The following CDKAL1 variants were observed in gnomAD, a reference collection of about 807,000 sequenced individuals.
CDKAL1 encodes the protein threonylcarbamoyladenosine tRNA methylthiotransferase.
Under a neutral mutation model 68.2 loss-of-function variants are expected in CDKAL1, and 32 were observed. The ratio of observed to expected loss-of-function variants is 0.47; its 90% confidence interval spans 0.35 to 0.63. CDKAL1 has a LOEUF of 0.63. Among genes scored for constraint, CDKAL1 ranks in the 30% least tolerant of loss-of-function variants. The pLI is 0.00. For synonymous variants in CDKAL1, 234 were observed against 244.3 expected, an observed-to-expected ratio of 0.96 and a Z score of 0.39; for missense variants, 606 against 696.7, an observed-to-expected ratio of 0.87 and a Z score of 1.47.
chr6:21,101,051 C>T (rs1281462243), intron 12 of CDKAL1, among the ~76,000 whole-genome samples: 1 of 152,082 alleles, frequency 6.6e-6, no homozygotes, highest in Non-Finnish European at 1.5e-5. Context: ...CCTTACTGTG[C>T]CCCAGAGGAA....
At chr6:20,802,315 C>T (rs10946410) in intron 8 of CDKAL1, among the ~76,000 whole-genome samples, 61,418 of 114,172 alleles carry the variant, frequency 0.54, 13,435 homozygotes, top group Middle Eastern at 0.62. Context: ...ACAACAACAA[C>T]AATAATAATA....
At chr6:20,536,141 C>G (rs955187154) in intron 2 of CDKAL1, among the ~76,000 whole-genome samples, 3 of 149,792 alleles carry the variant, frequency 2.0e-5, no homozygotes, top group African/African-American at 4.9e-5. Flanking sequence ...TCCGTGTTGC[C>G]TAGGCTCTGG....
chr6:20,714,783 A>G (rs1345951468), intron 5 of CDKAL1, among the ~76,000 whole-genome samples: 1 of 152,206 alleles, frequency 6.6e-6, no homozygotes, highest in African/African-American at 2.4e-5. Context: ...TGTATATTAA[A>G]ATAAAACACT....
chr6:21,082,118 A>ATTT (rs1772438350), intron 12 of CDKAL1, among the ~76,000 whole-genome samples: 1 of 152,238 alleles, frequency 6.6e-6, no homozygotes, highest in Non-Finnish European at 1.5e-5. Context: ...ATAATCAAAT[A>ATTT]TGAGCAAATA....
chr6:20,900,166 G>T (rs1356874790), intron 9 of CDKAL1, among the ~76,000 whole-genome samples: 1 of 151,966 alleles, frequency 6.6e-6, no homozygotes, highest in South Asian at 2.1e-4. Context: ...GTCTCCTTTC[G>T]ATTTATACTA....
intron 8 of CDKAL1, 77 bp downstream of exon 8, chr6:20,781,342 CAT>C: frequency 7.8e-7 from 1 of 1,276,288 alleles, no homozygotes; most frequent in Admixed American, 2.5e-5. Context: ...GGACATGTGA[CAT>C]AGAAAAGTAG....
intron 8 of CDKAL1, among the ~76,000 whole-genome samples, chr6:20,830,488 A>G (rs1458881093): frequency 2.6e-5 from 4 of 152,208 alleles, no homozygotes; most frequent in Non-Finnish European, 4.4e-5. Flanking sequence ...TAATAAATAA[A>G]TTTTAGAATT....
intron 8 of CDKAL1, among the ~76,000 whole-genome samples, chr6:20,840,003 A>G (rs923824664): frequency 2.0e-5 from 3 of 152,220 alleles, no homozygotes; most frequent in African/African-American, 7.2e-5. Context: ...CTAATCATGT[A>G]TTCTTACACA....
rs372130130 is a variant in CDKAL1, at chr6:20,739,642, G to GA, written c.468+31dup. On this transcript the variant is annotated intron_variant, in intron 6 of 15. Transcript: ENST00000274695. ...TAAGCTTGTACCTGATGCAAAAAGA[G>GA]AAAATCTTACATTGTTAACACCTGT... The GA allele has an allele frequency of 3.1e-4, 420 of 1,355,644 alleles. 2 individuals carry two copies. The African/African-American group carries it at 5.3e-3, about 17-fold the overall frequency. The allele number at this position is 1,355,644 out of a possible 1,614,324, so 84.0% of individuals were successfully genotyped here.
intron 5 of CDKAL1, among the ~76,000 whole-genome samples, chr6:20,707,067 G>T (rs1267115701): frequency 1.3e-5 from 2 of 152,166 alleles, no homozygotes; most frequent in African/African-American, 2.4e-5. Flanking sequence ...TGGTTTGTCT[G>T]TCATTAAAAA....
At chr6:20,827,449 A>G (rs1193615280) in intron 8 of CDKAL1, among the ~76,000 whole-genome samples, 1 of 152,196 alleles carries the variant, frequency 6.6e-6, no homozygotes, top group Non-Finnish European at 1.5e-5. Flanking sequence ...ATAGCAAAGA[A>G]ACCTTTACTT....
chr6:20,885,393 A>G (rs951415839), intron 9 of CDKAL1, among the ~76,000 whole-genome samples: 4 of 152,180 alleles, frequency 2.6e-5, no homozygotes, highest in African/African-American at 7.2e-5. Context: ...ATTTTTGACC[A>G]GGGAACCACA....
chr6:20,722,056 A>G (rs1772403816), intron 5 of CDKAL1, among the ~76,000 whole-genome samples: 1 of 152,030 alleles, frequency 6.6e-6, no homozygotes, highest in Non-Finnish European at 1.5e-5. Context: ...ATGTAGAACT[A>G]CTTTTATATT....
chr6:21,131,009 TTCCC>T (rs1221725253), intron 13 of CDKAL1, among the ~76,000 whole-genome samples: 1 of 152,198 alleles, frequency 6.6e-6, no homozygotes, highest in Non-Finnish European at 1.5e-5. Flanking sequence ...AAGGAGAGTG[TTCCC>T]AAAAGCTACT....
chr6:20,944,674 A>G (rs1764150736), intron 9 of CDKAL1, among the ~76,000 whole-genome samples: 2 of 152,228 alleles, frequency 1.3e-5, no homozygotes, highest in Admixed American at 1.3e-4. Context: ...TATCATCAGT[A>G]CGGTCAGAGT....
intron 12 of CDKAL1, among the ~76,000 whole-genome samples, chr6:21,065,630 A>G (rs1391430638): frequency 7.0e-6 from 1 of 142,258 alleles, no homozygotes; most frequent in African/African-American, 2.6e-5. Flanking sequence ...GGATCCCCCT[A>G]GTTTTGCTGC....
intron 10 of CDKAL1, among the ~76,000 whole-genome samples, chr6:20,964,048 A>T (rs1216640441): frequency 6.6e-6 from 1 of 152,176 alleles, no homozygotes; most frequent in East Asian, 1.9e-4. Flanking sequence ...CAACCATCAT[A>T]TGAAAAAAAA....
chr6:20,884,292 AAAAC>A (rs139241102), intron 9 of CDKAL1, among the ~76,000 whole-genome samples: 30,052 of 151,938 alleles, frequency 0.2, 3,086 homozygotes, highest in Middle Eastern at 0.27. Flanking sequence ...GTTGATGGAA[AAAAC>A]AAACAAACAA....
At chr6:21,103,332 T>C (rs1290768549) in intron 12 of CDKAL1, among the ~76,000 whole-genome samples, 2 of 152,064 alleles carry the variant, frequency 1.3e-5, no homozygotes, top group Non-Finnish European at 2.9e-5. Context: ...TTGACAAAAA[T>C]TGGAATGATT....
Sources: allele counts gnomAD v4.1 joint callset (sites outside exome capture counted in the v4.1 genomes callset), GRCh38; gene constraint gnomAD v4.1.1; transcripts MANE v1.5; gene names NCBI Gene and HGNC (gene_info 2026-07-23, HGNC 2026-07-21).